HDX: variants seen among roughly 807,000 people sequenced by gnomAD.
HDX encodes the protein highly divergent homeobox, also known as chromosome X open reading frame 43.
A neutral mutation model predicts 45.2 loss-of-function variants in HDX; 19 were observed. The ratio of observed to expected loss-of-function variants is 0.42; its 90% confidence interval spans 0.29 to 0.62. HDX has a LOEUF of 0.62. Among genes scored for constraint, HDX ranks in the 20% least tolerant of loss-of-function variants. The pLI is 0.20. For missense variants in HDX, 532 were observed against 493.9 expected, an observed-to-expected ratio of 1.08 and a Z score of -0.73; for synonymous variants, 188 against 172.8, an observed-to-expected ratio of 1.09 and a Z score of -0.69.
chrX:84,340,289 A>G (rs1368740900), intron 7 of HDX, among the ~76,000 whole-genome samples: 1 of 111,136 alleles, frequency 9.0e-6, no homozygotes, highest in African/African-American at 3.3e-5. Flanking sequence ...TTTTGCTTAT[A>G]CAGATTTTTC....
chrX:84,403,814 A>G (rs1200133108), intron 5 of HDX: 3 of 112,214 alleles, frequency 2.7e-5, no homozygotes, highest in African/African-American at 9.7e-5. Context: ...AAAGCATAGT[A>G]TATTAACCTT....
chrX:84,428,908 C>T (rs973200462), intron 5 of HDX, among the ~76,000 whole-genome samples: 2 of 109,930 alleles, frequency 1.8e-5, no homozygotes, highest in African/African-American at 6.6e-5. Context: ...GCGCTATGGA[C>T]CAAAATTCAT....
At chrX:84,363,730 A>C (rs1223719237) in intron 5 of HDX, among the ~76,000 whole-genome samples, 1 of 112,149 alleles carries the variant, frequency 8.9e-6, no homozygotes, top group Non-Finnish European at 1.9e-5. Context: ...ACATTTAGAG[A>C]AGGAAAAAAA....
intron 4 of HDX, among the ~76,000 whole-genome samples, chrX:84,449,346 G>T (rs891699695): frequency 1.8e-5 from 2 of 111,630 alleles, no homozygotes; most frequent in East Asian, 2.8e-4. Context: ...ATGCTAAAAG[G>T]TCTTCTCTAT....
At chrX:84,498,551 A>G (rs1185382676) in intron 1 of HDX, among the ~76,000 whole-genome samples, 2 of 111,934 alleles carry the variant, frequency 1.8e-5, no homozygotes, top group African/African-American at 6.5e-5. Flanking sequence ...TAAAATAAAA[A>G]TCAACAATTC....
chrX:84,406,408 A>T (rs1312606987), intron 5 of HDX, among the ~76,000 whole-genome samples: 1 of 95,887 alleles, frequency 1.0e-5, no homozygotes, highest in African/African-American at 4.5e-5. Context: ...TAAATAAGAC[A>T]GCAAGGAAAA....
At chrX:84,423,877 A>T (rs1460134518) in intron 5 of HDX, among the ~76,000 whole-genome samples, 11 of 111,595 alleles carry the variant, frequency 9.9e-5, no homozygotes, top group Non-Finnish European at 5.7e-5. Flanking sequence ...CAGAATGGGG[A>T]AAAACCGAAA....
At chrX:84,414,327 A>G (rs1412634354) in intron 5 of HDX, among the ~76,000 whole-genome samples, 4 of 111,483 alleles carry the variant, frequency 3.6e-5, no homozygotes, top group Non-Finnish European at 7.5e-5. Flanking sequence ...AGTGATTCCT[A>G]TGATCAAGCA....
chrX:84,358,695 A>C (rs1471754405), intron 6 of HDX, among the ~76,000 whole-genome samples: 1 of 111,832 alleles, frequency 8.9e-6, no homozygotes, highest in Non-Finnish European at 1.9e-5. Context: ...AGAAATCTCT[A>C]CTCAAAAATT....
At chrX:84,331,188 A>G (rs2036835343) in intron 9 of HDX, among the ~76,000 whole-genome samples, 1 of 111,478 alleles carries the variant, frequency 9.0e-6, no homozygotes, top group Non-Finnish European at 1.9e-5. Flanking sequence ...TGTCTCATAA[A>G]CATTTTGTGT....
intron 1 of HDX, among the ~76,000 whole-genome samples, chrX:84,495,755 T>A (rs1446874571): frequency 9.0e-6 from 1 of 111,600 alleles, no homozygotes; most frequent in Non-Finnish European, 1.9e-5. Flanking sequence ...ATTTTGCTTT[T>A]GTTTTTGGGG....
chrX:84,425,759 A>G (rs1392338913), intron 5 of HDX, among the ~76,000 whole-genome samples: 1 of 110,742 alleles, frequency 9.0e-6, no homozygotes, highest in African/African-American at 3.3e-5. Flanking sequence ...AATCAAAACA[A>G]TTTAATGCAT....
chrX:84,444,527 G>A (rs1446803703), intron 4 of HDX, among the ~76,000 whole-genome samples: 1 of 110,687 alleles, frequency 9.0e-6, no homozygotes, highest in Non-Finnish European at 1.9e-5. Flanking sequence ...AGATAGAAGA[G>A]AACTAAATAG....
At chrX:84,466,051 T>C (rs1345415059) in intron 4 of HDX, among the ~76,000 whole-genome samples, 1 of 112,138 alleles carries the variant, frequency 8.9e-6, no homozygotes, top group Non-Finnish European at 1.9e-5. Flanking sequence ...ACAGGTCTGA[T>C]ATAGTATAAC....
intron 4 of HDX, among the ~76,000 whole-genome samples, chrX:84,455,017 A>G (rs750371486): frequency 3.7e-4 from 41 of 111,581 alleles, no homozygotes; most frequent in African/African-American, 1.3e-3. Context: ...TACTGGGCTT[A>G]GGGTGCCACT....
At chrX:84,335,553 A>G (rs759010479) in intron 8 of HDX, among the ~76,000 whole-genome samples, 2 of 111,665 alleles carry the variant, frequency 1.8e-5, no homozygotes, top group African/African-American at 3.2e-5. Flanking sequence ...CAGGCTACAA[A>G]TGAGCATGTC....
chrX:84,423,685 C>T, intron 5 of HDX, among the ~76,000 whole-genome samples: 1 of 111,652 alleles, frequency 9.0e-6, no homozygotes. Flanking sequence ...AGTGAAATAT[C>T]ATATCAACAG....
intron 1 of HDX, among the ~76,000 whole-genome samples, chrX:84,489,334 G>C (rs967617817): frequency 2.7e-5 from 3 of 111,834 alleles, no homozygotes. Context: ...TAGTTGTTTA[G>C]TAAACAAAAC....
intron 5 of HDX, among the ~76,000 whole-genome samples, chrX:84,367,048 C>T (rs1388692303): frequency 2.7e-5 from 3 of 111,954 alleles, no homozygotes; most frequent in Non-Finnish European, 5.6e-5. Context: ...AAACTATCCT[C>T]AGAGTGAACA....
Sources: gnomAD v4.1 joint callset for allele counts (sites outside exome capture counted in the v4.1 genomes callset) on GRCh38, gnomAD v4.1.1 for gene constraint, MANE v1.5 for transcripts, NCBI Gene and HGNC (gene_info 2026-07-23, HGNC 2026-07-21) for gene names.